MYO3A: variants seen among roughly 807,000 people sequenced by gnomAD.
MYO3A encodes myosin-IIIa.
Under a neutral mutation model 192.7 loss-of-function variants are expected in MYO3A, and 180 were observed. The ratio of observed to expected loss-of-function variants is 0.93; its 90% CI spans 0.83 to 1.06. The LOEUF (loss-of-function observed/expected upper bound fraction) is 1.06, where lower values mean the gene tolerates loss of function less well. Among genes scored for constraint, MYO3A ranks in the 50% least tolerant of loss-of-function variants. MYO3A has a pLI of 0.00. For synonymous variants in MYO3A, 628 were observed against 645.3 expected (o/e 0.97, Z 0.41); for missense variants, 1,896 against 1,905.0 (o/e 1.00, Z 0.09).
chr10:26,114,402 A>G (rs1282663557), intron 17 of MYO3A, among the ~76,000 whole-genome samples: 3 of 152,324 alleles, frequency 2.0e-5, no homozygotes, highest in East Asian at 1.9e-4. Flanking sequence ...TTCCATTCCC[A>G]AAACAAAATC....
At chr10:26,028,952 A>G (rs957650762) in intron 10 of MYO3A, among the ~76,000 whole-genome samples, 1 of 152,058 alleles carries the variant, frequency 6.6e-6, no homozygotes, top group South Asian at 2.1e-4. Flanking sequence ...TGGAGGAAAC[A>G]TTAGCTTTAC....
chr10:26,120,622 G>A, intron 17 of MYO3A, 54 bp from the exon 18 acceptor site: 1 of 1,611,580 alleles, frequency 6.2e-7, no homozygotes, highest in Non-Finnish European at 8.5e-7. Context: ...CATAGTCACT[G>A]GTTGGCTGTA....
At chr10:25,952,321 G>A (rs1356780494) in intron 3 of MYO3A, 43 bp downstream of exon 3, 11 of 1,556,494 alleles carry the variant, frequency 7.1e-6, no homozygotes, top group Non-Finnish European at 8.8e-6. Flanking sequence ...ATTTTTATCT[G>A]TATGAAACAC....
At chr10:26,184,352 G>A (rs1056723428) in intron 31 of MYO3A, among the ~76,000 whole-genome samples, 8 of 152,108 alleles carry the variant, frequency 5.3e-5, no homozygotes, top group African/African-American at 1.7e-4. Context: ...ATTGCTTGAA[G>A]GTCATAGACT....
At chr10:26,042,178 C>T (rs1285383651) in intron 10 of MYO3A, among the ~76,000 whole-genome samples, 1 of 152,138 alleles carries the variant, frequency 6.6e-6, no homozygotes, top group Non-Finnish European at 1.5e-5. Context: ...ACTAAAAATT[C>T]AGCTGCCAAA....
chr10:26,072,246 T>A (rs1465111885), intron 14 of MYO3A, among the ~76,000 whole-genome samples: 1 of 152,050 alleles, frequency 6.6e-6, no homozygotes, highest in Non-Finnish European at 1.5e-5. Context: ...GGATTACAAA[T>A]CAAGATGAGA....
chr10:26,043,296 C>T (rs1843457677), intron 10 of MYO3A, among the ~76,000 whole-genome samples: 1 of 152,140 alleles, frequency 6.6e-6, no homozygotes, highest in South Asian at 2.1e-4. Flanking sequence ...CCCATGCCCA[C>T]TGTAACCACT....
At chr10:26,187,992 T>G (rs2132121203) in intron 31 of MYO3A, among the ~76,000 whole-genome samples, 1 of 152,304 alleles carries the variant, frequency 6.6e-6, no homozygotes, top group South Asian at 2.1e-4. Flanking sequence ...TTTATAATCC[T>G]TTGAGTATAT....
intron 2 of MYO3A, among the ~76,000 whole-genome samples, chr10:25,936,106 G>T (rs570187151): frequency 3.0e-4 from 46 of 152,092 alleles, no homozygotes; most frequent in African/African-American, 1.1e-3. Flanking sequence ...CAAACTAAAA[G>T]ATTCAATTTT....
intron 33 of MYO3A, among the ~76,000 whole-genome samples, chr10:26,201,626 C>A (rs1843680009): frequency 6.6e-6 from 1 of 151,144 alleles, no homozygotes; most frequent in Admixed American, 6.6e-5. Context: ...ACGGAGCTTG[C>A]CGTGAGCCGA....
intron 20 of MYO3A, among the ~76,000 whole-genome samples, chr10:26,138,638 G>A (rs375318619): frequency 8.4e-4 from 128 of 152,194 alleles, no homozygotes; most frequent in African/African-American, 2.9e-3. Flanking sequence ...GTCTTACTTC[G>A]TATGCCACAG....
At chr10:25,994,397 C>T (rs966633173) in intron 4 of MYO3A, among the ~76,000 whole-genome samples, 3 of 152,170 alleles carry the variant, frequency 2.0e-5, no homozygotes, top group Non-Finnish European at 4.4e-5. Flanking sequence ...TATTTTGAGC[C>T]TACGTGCGTC....
At chr10:26,001,686 A>G (rs568473332) in intron 6 of MYO3A, among the ~76,000 whole-genome samples, 2 of 152,308 alleles carry the variant, frequency 1.3e-5, no homozygotes, top group East Asian at 3.9e-4. Flanking sequence ...ACAAGGTCTT[A>G]AAAGAAGGAG....
rs144317961 is a variant in MYO3A at position 26,193,235 on chromosome 10, T to C, written c.4469T>C (p.Leu1490Ser). 16 of 1,613,874 alleles carry C rather than the reference T, an allele frequency of 9.9e-6. No individual in the cohort carries two copies. In the African/African-American group the frequency reaches 1.9e-4, roughly 19 times the overall value. ...GVCKGEEPKI[L>S]RPPRRPRKPK... Reference sequence around the variant, plus strand: ...TGTAAAGGAGAGGAGCCAAAAATATTGAGACCCCCAAGACGACCCCGGAAA... The same window carrying C: ...TGTAAAGGAGAGGAGCCAAAAATATCGAGACCCCCAAGACGACCCCGGAAA... Residue 1490 changes from leucine (L) to serine (S), a missense_variant, in exon 32 of 35, where the codon TTG (leucine) becomes TCG (serine). Physicochemically the swap from Leu to Ser is moderately radical, Grantham distance 145 (BLOSUM62 -2). Transcript: ENST00000642920.
At chr10:26,096,807 A>C in intron 17 of MYO3A, 125 bp downstream of exon 17, 1 of 683,578 alleles carries the variant, frequency 1.5e-6, no homozygotes, top group Non-Finnish European at 2.6e-6. Flanking sequence ...AAACAGCATT[A>C]TGAAATAACT....
chr10:26,166,288 A>G (rs1841746358), intron 27 of MYO3A, 110 bp downstream of exon 27: 4 of 941,196 alleles, frequency 4.2e-6, no homozygotes, highest in South Asian at 2.7e-5. Context: ...TATAGAATCT[A>G]TAACTTACAA....
chr10:25,940,358 A>G (rs1836405025), intron 2 of MYO3A, among the ~76,000 whole-genome samples: 1 of 151,796 alleles, frequency 6.6e-6, no homozygotes, highest in African/African-American at 2.4e-5. Context: ...TTCTGCTGTT[A>G]CAAGTATTTG....
chr10:26,113,287 C>G (rs531613273), intron 17 of MYO3A, among the ~76,000 whole-genome samples: 1 of 151,996 alleles, frequency 6.6e-6, no homozygotes, highest in African/African-American at 2.4e-5. Flanking sequence ...CCTGGGCAAA[C>G]AGTGAAACCC....
intron 23 of MYO3A, among the ~76,000 whole-genome samples, chr10:26,153,228 G>A (rs572778409): frequency 2.0e-5 from 3 of 152,228 alleles, no homozygotes; most frequent in South Asian, 4.1e-4. Context: ...CCATTTTATG[G>A]ATTCTGGGTG....
Sources: allele counts gnomAD v4.1 joint callset (sites outside exome capture counted in the v4.1 genomes callset), GRCh38; gene constraint gnomAD v4.1.1; transcripts MANE v1.5; gene names NCBI Gene and HGNC (gene_info 2026-07-23, HGNC 2026-07-21).